The following COL4A3 variants were observed in gnomAD, a reference collection of about 807,000 sequenced individuals.
COL4A3 encodes the protein collagen alpha-3(IV) chain.
A neutral mutation model predicts 217.4 loss-of-function variants in COL4A3; 135 were observed. The ratio of observed to expected loss-of-function variants is 0.62; its 90% CI spans 0.54 to 0.72. The LOEUF (loss-of-function observed/expected upper bound fraction) is 0.72, where lower values mean the gene tolerates loss of function less well. COL4A3 is among the 30% of genes least tolerant of loss of function. The probability of loss-of-function intolerance (pLI) is 0.00; values close to 1 mark genes in which losing one functional copy is unlikely to be tolerated. For missense variants in COL4A3, 1,868 were observed against 2,119.9 expected, an observed-to-expected ratio of 0.88 and a Z score of 2.33; for synonymous variants, 690 against 736.3, an observed-to-expected ratio of 0.94 and a Z score of 1.02.
rs2065150724 is a variant in COL4A3, at chr2:227,164,788, TGGC to T, written c.70_72del (p.Ala24del). 2.0e-6 allele frequency: 3 copies of T among 1,519,808 alleles called. No homozygotes were observed. Among genetic ancestry groups the T allele is most frequent in the African/African-American group, 2.8e-5 (2 of 70,538 alleles). The allele number at this position is 1,519,808 out of a possible 1,614,324, so 94.1% of individuals were successfully genotyped here. On this transcript the variant is annotated inframe_deletion, in exon 1 of 52. Coordinates refer to ENST00000396578, the MANE Select transcript of COL4A3 (RefSeq NM_000091.5). This position sits in a 1 kb window ranked among gnomAD's most constrained non-coding sequence, Gnocchi z 4.8. ...CTGCTGCCGCTCCTGCTGGTGCTCCTGGCGGCGGCGCCCGCAGCCAGCAAGGTG... is the reference window on the plus strand; with the variant it reads ...CTGCTGCCGCTCCTGCTGGTGCTCCTGGCGGCGCCCGCAGCCAGCAAGGTG...
At chr2:227,240,846 C>A (rs34501615) in intron 3 of COL4A3, among the ~76,000 whole-genome samples, 4,007 of 152,210 alleles carry the variant, frequency 0.026, 173 homozygotes, top group Admixed American at 0.094. Context: ...TGCCTTCTAC[C>A]ACCTCTCCTC....
At chr2:227,244,707 C>A in intron 4 of COL4A3, 1 of 672,792 alleles carries the variant, frequency 1.5e-6, no homozygotes, top group Admixed American at 2.3e-5. Flanking sequence ...GCAAATTGTA[C>A]CTTAGGAATC....
chr2:227,297,607 G>A, intron 41 of COL4A3, 67 bp from the exon 42 acceptor site: 2 of 1,450,968 alleles, frequency 1.4e-6, no homozygotes, highest in South Asian at 2.4e-5. Context: ...CATTATTAAA[G>A]ATAGTCAAGA....
chr2:227,290,787 A>G lies in COL4A3; in HGVS notation c.3111A>G (p.Arg1037=). 6.2e-7 allele frequency: 1 copy of G among 1,613,736 alleles called. No individual in the cohort carries two copies. Among genetic ancestry groups the G allele is most frequent in the South Asian group, 1.1e-5 (1 of 91,050 alleles). The change falls in exon 37 of 52, where the codon CGA becomes CGG. Residue 1037 remains arginine, a synonymous_variant. Transcript: ENST00000396578. ...GGGGAACTTTGGGATTCCCAGGTCG[A>G]GCAGGAAGACCAGGCCTCCCAGGTA... ...GKRGTLGFPG[R]AGRPGLPGIH... is the part of the protein sequence containing the mutation.
chr2:227,309,094 T>C lies in COL4A3; in HGVS notation c.4640+18T>C, dbSNP rs779385863. 18 of 1,613,740 alleles carry C rather than the reference T, an allele frequency of 1.1e-5. No homozygotes were observed. The highest frequency in any genetic ancestry group is 1.4e-5 in the Non-Finnish European group (16 of 1,179,744). On this transcript the variant is annotated intron_variant, in intron 49 of 51. Coordinates refer to ENST00000396578, the MANE Select transcript of COL4A3 (RefSeq NM_000091.5). ...ATAAGCAGGTAAAAATCCAATCCCC[T>C]AGTTTTACAATGGGACCAAGTGAAT... is the stretch of plus-strand genomic sequence containing the variant.
intron 1 of COL4A3, among the ~76,000 whole-genome samples, chr2:227,185,043 A>G (rs937975410): frequency 6.6e-6 from 1 of 151,680 alleles, no homozygotes; most frequent in Non-Finnish European, 1.5e-5. Context: ...CTGGGACTAC[A>G]GGCGCCCGCC....
intron 1 of COL4A3, among the ~76,000 whole-genome samples, chr2:227,205,613 C>A (rs1257260565): frequency 6.6e-6 from 1 of 151,912 alleles, no homozygotes; most frequent in African/African-American, 2.4e-5. Flanking sequence ...AACATGGAAA[C>A]AAGTAAATAA....
intron 36 of COL4A3, 137 bp from the exon 37 acceptor site, chr2:227,290,610 T>A (rs987353924): frequency 1.7e-5 from 12 of 693,036 alleles, no homozygotes; most frequent in Admixed American, 8.1e-5. Flanking sequence ...ATAATAATCA[T>A]CTATTGTAAC....
intron 19 of COL4A3, among the ~76,000 whole-genome samples, chr2:227,260,648 T>C (rs1193734626): frequency 6.6e-6 from 1 of 152,220 alleles, no homozygotes; most frequent in Non-Finnish European, 1.5e-5. Flanking sequence ...TTCTTAAAAA[T>C]CTGGTACACT....
intron 1 of COL4A3, among the ~76,000 whole-genome samples, chr2:227,166,586 T>C (rs926792003): frequency 2.8e-4 from 42 of 152,248 alleles, no homozygotes; most frequent in Admixed American, 2.7e-3. Flanking sequence ...TATTTTTACA[T>C]GTAAACTTTT....
intron 1 of COL4A3, among the ~76,000 whole-genome samples, chr2:227,230,033 A>T (rs946202703): frequency 6.0e-5 from 9 of 149,572 alleles, no homozygotes; most frequent in Non-Finnish European, 1.2e-4. Context: ...CCTGGGCAAC[A>T]GAGCAAGACT....
At chr2:227,181,014 G>A (rs914500343) in intron 1 of COL4A3, among the ~76,000 whole-genome samples, 5 of 152,138 alleles carry the variant, frequency 3.3e-5, no homozygotes, top group Non-Finnish European at 7.4e-5. Context: ...TAAAAAATGA[G>A]CAGAGTATTT....
chr2:227,304,348 A>G (rs1680039624), intron 46 of COL4A3: 1 of 620,616 alleles, frequency 1.6e-6, no homozygotes, highest in Non-Finnish European at 2.8e-6. Flanking sequence ...AGTTGTTCAT[A>G]GTATAACTTG....
rs148695754 is a variant in COL4A3, at chr2:227,191,469, C to G, written c.87+26656C>G. On this transcript the variant is annotated intron_variant, in intron 1 of 51. Transcript: ENST00000396578. This position sits in a 1 kb window ranked among gnomAD's most constrained non-coding sequence, Gnocchi z 6.8. ...AAAATCACTCTTTACCAGCCACATA[C>G]AAATGTTGAATGGCTCCATCCACGG... Among the ~76,000 whole-genome samples the G allele has an allele frequency of 6.6e-6, 1 of 152,172 alleles. No individual in the cohort carries two copies. The highest frequency in any genetic ancestry group is 6.5e-5 in the Admixed American group (1 of 15,280).
chr2:227,169,714 C>CT (rs1173907037), intron 1 of COL4A3, among the ~76,000 whole-genome samples: 4 of 152,092 alleles, frequency 2.6e-5, no homozygotes, highest in African/African-American at 9.7e-5. Context: ...TGTTCATGTC[C>CT]TTTGCCCACT....
chr2:227,269,326 A>G (rs1320113223), intron 23 of COL4A3, among the ~76,000 whole-genome samples: 1 of 152,228 alleles, frequency 6.6e-6, no homozygotes, highest in African/African-American at 2.4e-5. Context: ...AGCATTGTTC[A>G]CAACAGCTAA....
rs747973467 is a variant in COL4A3, at chr2:227,294,617, A to G, written c.3418+47A>G. The G allele has an allele frequency of 5.3e-6, 7 of 1,322,752 alleles. No homozygotes were observed. In the South Asian group the frequency reaches 7.0e-5, roughly 13 times the overall value. The allele number at this position is 1,322,752 out of a possible 1,614,324, so 81.9% of individuals were successfully genotyped here. On this transcript the variant is annotated intron_variant, in intron 39 of 51. Coordinates refer to ENST00000396578, the MANE Select transcript of COL4A3 (RefSeq NM_000091.5). ...TTTTTCCTTTTCATGTGGGAGACAC[A>G]TTTTCTCCTGAGGTTTGGATTTCTG...
intron 1 of COL4A3, among the ~76,000 whole-genome samples, chr2:227,216,857 G>A (rs2067546771): frequency 6.6e-6 from 1 of 152,188 alleles, no homozygotes; most frequent in Non-Finnish European, 1.5e-5. Flanking sequence ...TACAATCACA[G>A]ATGGTCAGAG....
At chr2:227,192,021 CA>C (rs1482179029) in intron 1 of COL4A3, among the ~76,000 whole-genome samples, 6 of 152,270 alleles carry the variant, frequency 3.9e-5, no homozygotes, top group Admixed American at 1.3e-4. Context: ...ATCTCTAAAG[CA>C]AATCTTTAAA....
Sources: allele counts gnomAD v4.1 joint callset (sites outside exome capture counted in the v4.1 genomes callset), GRCh38; gene constraint gnomAD v4.1.1; non-coding constraint Gnocchi (gnomAD v3.1); transcripts MANE v1.5; gene names NCBI Gene and HGNC (gene_info 2026-07-23, HGNC 2026-07-21).